The following GSTCD variants were observed in gnomAD, a reference collection of about 807,000 sequenced individuals.
GSTCD encodes glutathione S-transferase C-terminal domain-containing protein.
Under a neutral mutation model 68.3 loss-of-function variants are expected in GSTCD, and 44 were observed. The ratio of observed to expected loss-of-function variants is 0.64; its 90% CI spans 0.51 to 0.83. GSTCD has a LOEUF of 0.83. Among genes scored for constraint, GSTCD ranks in the 40% least tolerant of loss-of-function variants. The pLI is 0.00. For missense variants in GSTCD, 739 were observed against 735.9 expected, an observed-to-expected ratio of 1.00 and a Z score of -0.05; for synonymous variants, 273 against 255.2, an observed-to-expected ratio of 1.07 and a Z score of -0.67.
chr4:105,735,199 C>T (rs1004409550), intron 5 of GSTCD, among the ~76,000 whole-genome samples: 2 of 152,166 alleles, frequency 1.3e-5, no homozygotes, highest in Admixed American at 6.5e-5. Context: ...CCACTACTCT[C>T]TTCAAAGCTG....
chr4:105,841,903 T>C (rs531113484), intron 10 of GSTCD, among the ~76,000 whole-genome samples, 162 bp from the exon 11 acceptor site: 3 of 152,318 alleles, frequency 2.0e-5, no homozygotes, highest in African/African-American at 7.2e-5. Flanking sequence ...AAGTACCATC[T>C]TCTGAAAGTT....
intron 8 of GSTCD, among the ~76,000 whole-genome samples, chr4:105,831,700 G>A (rs1723905053): frequency 6.6e-6 from 1 of 151,988 alleles, no homozygotes; most frequent in Non-Finnish European, 1.5e-5. Flanking sequence ...TGTTTGTGCT[G>A]TAAGTTGTCA....
chr4:105,722,825 C>T (rs1157020555), intron 3 of GSTCD, among the ~76,000 whole-genome samples: 2 of 149,596 alleles, frequency 1.3e-5, no homozygotes, highest in Non-Finnish European at 3.0e-5. Flanking sequence ...TGGTTTTGAT[C>T]TTATGAGCCA....
intron 5 of GSTCD, among the ~76,000 whole-genome samples, chr4:105,762,832 G>A (rs1230610926): frequency 6.6e-6 from 1 of 152,072 alleles, no homozygotes; most frequent in Admixed American, 6.6e-5. Flanking sequence ...TTTCCTACAT[G>A]TTTCTGAATA....
At chr4:105,713,265 C>G in intron 1 of GSTCD, among the ~76,000 whole-genome samples, 1 of 152,056 alleles carries the variant, frequency 6.6e-6, no homozygotes, top group East Asian at 1.9e-4. Context: ...AAACACTGAG[C>G]TGTGGGTCAC....
At chr4:105,783,587 T>C (rs942413616) in intron 5 of GSTCD, among the ~76,000 whole-genome samples, 3 of 152,112 alleles carry the variant, frequency 2.0e-5, no homozygotes, top group African/African-American at 7.2e-5. Flanking sequence ...TGTGTGTATG[T>C]GTATGTATAT....
chr4:105,787,194 T>C (rs1369913590), intron 5 of GSTCD, among the ~76,000 whole-genome samples: 2 of 152,090 alleles, frequency 1.3e-5, no homozygotes, highest in South Asian at 2.1e-4. Context: ...ATAGTTCCCA[T>C]ACTTTCCATG....
At chr4:105,754,537 A>G (rs1734115980) in intron 5 of GSTCD, among the ~76,000 whole-genome samples, 1 of 152,210 alleles carries the variant, frequency 6.6e-6, no homozygotes, top group South Asian at 2.1e-4. Flanking sequence ...TCTGTACACA[A>G]AAATGCAAAC....
chr4:105,803,738 A>G (rs1736194884), intron 5 of GSTCD, among the ~76,000 whole-genome samples: 1 of 152,052 alleles, frequency 6.6e-6, no homozygotes, highest in African/African-American at 2.4e-5. Flanking sequence ...CATGGATGCA[A>G]CTTGAAAACA....
At chr4:105,732,939 C>T (rs560712459) in intron 5 of GSTCD, among the ~76,000 whole-genome samples, 125 of 152,284 alleles carry the variant, frequency 8.2e-4, no homozygotes, top group Admixed American at 7.0e-3. Flanking sequence ...GCCTTCATTT[C>T]GTTATGTACC....
intron 5 of GSTCD, among the ~76,000 whole-genome samples, chr4:105,762,713 C>G (rs1734460650): frequency 1.3e-5 from 2 of 152,158 alleles, no homozygotes; most frequent in African/African-American, 4.8e-5. Flanking sequence ...AGTTGATTCT[C>G]AGTTTTAAAT....
intron 5 of GSTCD, among the ~76,000 whole-genome samples, chr4:105,787,628 C>T (rs11736859): frequency 0.054 from 8,211 of 151,894 alleles, 274 homozygotes; most frequent in Middle Eastern, 0.14. Flanking sequence ...ACTGGGAAAC[C>T]GTTCTTCAAA....
chr4:105,787,598 C>T (rs568259965), intron 5 of GSTCD, among the ~76,000 whole-genome samples: 1 of 151,976 alleles, frequency 6.6e-6, no homozygotes, highest in Non-Finnish European at 1.5e-5. Context: ...CAGGGAGAAG[C>T]AGCATTGTCC....
At chr4:105,717,480 T>C in intron 1 of GSTCD, 113 bp from the exon 2 acceptor site, 1 of 680,310 alleles carries the variant, frequency 1.5e-6, no homozygotes, top group South Asian at 2.4e-5. Flanking sequence ...AGCATTATTA[T>C]CTACTGCAAA....
chr4:105,780,275 C>T (rs1578468834), intron 5 of GSTCD, among the ~76,000 whole-genome samples: 1 of 152,286 alleles, frequency 6.6e-6, no homozygotes, highest in East Asian at 1.9e-4. Flanking sequence ...GGAATTTGAA[C>T]TGAGATTTCA....
In GSTCD at chr4:105,839,962, C is replaced by T. The variant is rs150332249; in HGVS notation, c.1695+2073C>T. 2.8e-4 allele frequency among the ~76,000 whole-genome samples: 43 copies of T among 152,274 alleles called. 1 individual carries two copies. Among genetic ancestry groups the T allele is most frequent in the African/African-American group, 8.7e-4 (36 of 41,558 alleles). On this transcript the variant is annotated intron_variant, in intron 10 of 11. Transcript: ENST00000515279. The stretch of plus-strand genomic sequence containing the variant: ...CTTTATCTACTCTTTCTCCAACACC[C>T]CCAAAAGCTGCTTGGCCTTTTGAAG...
intron 3 of GSTCD, among the ~76,000 whole-genome samples, chr4:105,726,254 C>T (rs1208945429): frequency 2.6e-5 from 4 of 152,082 alleles, no homozygotes; most frequent in African/African-American, 4.8e-5. Flanking sequence ...AAGCATAATA[C>T]TAAGTGATAG....
chr4:105,760,851 ATAAT>A, intron 5 of GSTCD, among the ~76,000 whole-genome samples: 1 of 152,124 alleles, frequency 6.6e-6, no homozygotes, highest in Non-Finnish European at 1.5e-5. Flanking sequence ...ATTTTTTTAA[ATAAT>A]TAAAGCCAAA....
chr4:105,804,164 C>T (rs904156248), intron 5 of GSTCD, among the ~76,000 whole-genome samples: 1 of 151,842 alleles, frequency 6.6e-6, no homozygotes, highest in Non-Finnish European at 1.5e-5. Flanking sequence ...CCAAAAATGT[C>T]AGATTGGTGA....
Sources: allele counts gnomAD v4.1 joint callset (sites outside exome capture counted in the v4.1 genomes callset), GRCh38; gene constraint gnomAD v4.1.1; transcripts MANE v1.5; gene names NCBI Gene and HGNC (gene_info 2026-07-23, HGNC 2026-07-21).